THRB: variants seen among roughly 807,000 people sequenced by gnomAD.
The protein encoded by THRB is nuclear receptor subfamily 1 group A member 2.
In THRB, 12 loss-of-function variants were observed where a neutral mutation model predicts 47.8. The ratio of observed to expected loss-of-function variants is 0.25; its 90% CI spans 0.16 to 0.41. The LOEUF is 0.41. THRB is among the 10% of genes least tolerant of loss of function. The pLI is 1.00. For missense variants in THRB, 348 were observed against 589.2 expected (o/e 0.59, Z 4.24); for synonymous variants, 218 against 212.2 (o/e 1.03, Z -0.24).
At chr3:24,316,741 C>T (rs904491384) in intron 2 of THRB, among the ~76,000 whole-genome samples, 1 of 152,124 alleles carries the variant, frequency 6.6e-6, no homozygotes, top group African/African-American at 2.4e-5. Flanking sequence ...AAGACCCCCG[C>T]TCCCAGCCCC....
At chr3:24,269,935 G>C (rs2053149278) in intron 3 of THRB, among the ~76,000 whole-genome samples, 1 of 151,428 alleles carries the variant, frequency 6.6e-6, no homozygotes, top group Non-Finnish European at 1.5e-5. Flanking sequence ...TTTCTGAATT[G>C]TTTTCTCACA....
intron 3 of THRB, among the ~76,000 whole-genome samples, chr3:24,258,579 G>A (rs571280836): frequency 3.3e-5 from 5 of 152,150 alleles, no homozygotes; most frequent in Non-Finnish European, 7.3e-5. Context: ...AAGCATGCAG[G>A]TGGGGCCATC....
At chr3:24,478,930 T>C (rs527465262) in intron 1 of THRB, among the ~76,000 whole-genome samples, 3 of 152,256 alleles carry the variant, frequency 2.0e-5, no homozygotes, top group Admixed American at 6.5e-5. Flanking sequence ...TTTTTGATTG[T>C]CATAACTGTG....
At chr3:24,250,104 A>G (rs1399126163) in intron 3 of THRB, among the ~76,000 whole-genome samples, 2 of 152,216 alleles carry the variant, frequency 1.3e-5, no homozygotes, top group East Asian at 3.9e-4. Context: ...CATAGTTATA[A>G]GAAACAAAAT....
chr3:24,226,941 TACA>T lies in THRB; in HGVS notation c.22+1994_22+1996del, dbSNP rs142999028. Among the ~76,000 whole-genome samples the T allele has an allele frequency of 6.4e-3, 979 of 152,310 alleles. 12 individuals are homozygous for T. The highest frequency in any genetic ancestry group is 0.023 in the African/African-American group (940 of 41,566). On this transcript the variant is annotated intron_variant, in intron 4 of 10. Transcript: ENST00000646209. ...CAGAAATATTTATTCACTGGCCCTT[TACA>T]ACAACAATAAAAATTGCCAGCCCCT...
chr3:24,188,236 CTAA>C (rs2042846747), intron 5 of THRB, among the ~76,000 whole-genome samples: 1 of 152,110 alleles, frequency 6.6e-6, no homozygotes, highest in Admixed American at 6.6e-5. Context: ...TAATGCATAC[CTAA>C]TAATAAGGAT....
At chr3:24,224,678 C>T (rs1428624159) in intron 4 of THRB, among the ~76,000 whole-genome samples, 2 of 152,210 alleles carry the variant, frequency 1.3e-5, no homozygotes, top group Non-Finnish European at 2.9e-5. Context: ...TTCAGTAGGA[C>T]AGTCTCAAAA....
intron 1 of THRB, among the ~76,000 whole-genome samples, chr3:24,439,191 C>A (rs1044295501): frequency 6.6e-5 from 10 of 152,042 alleles, no homozygotes; most frequent in Non-Finnish European, 1.2e-4. Flanking sequence ...ATGTCATTGT[C>A]TGGATGAGGT....
chr3:24,165,196 C>T, intron 5 of THRB: 1 of 765,050 alleles, frequency 1.3e-6, no homozygotes, highest in Non-Finnish European at 2.4e-6. Context: ...CTGCCCAGGC[C>T]TGTTCCATAT....
At chr3:24,356,158 T>C (rs1354598) in intron 1 of THRB, among the ~76,000 whole-genome samples, 2,036 of 152,154 alleles carry the variant, frequency 0.013, 43 homozygotes, top group African/African-American at 0.043. Context: ...CTTGAGCAAG[T>C]CCAAATCTAG....
chr3:24,233,560 G>GAAGAAAGAAAAAGA (rs1553658176), intron 3 of THRB, among the ~76,000 whole-genome samples: 4 of 77,302 alleles, frequency 5.2e-5, no homozygotes, highest in Non-Finnish European at 1.1e-4. Context: ...AAAGAAAAAG[G>GAAGAAAGAAAAAGA]AAGAAAGAAA....
intron 2 of THRB, among the ~76,000 whole-genome samples, chr3:24,327,892 C>A (rs552781054): frequency 8.5e-5 from 13 of 152,168 alleles, no homozygotes; most frequent in African/African-American, 2.9e-4. Flanking sequence ...TAGAACAACA[C>A]ATTGGCAATG....
intron 9 of THRB, among the ~76,000 whole-genome samples, chr3:24,131,789 G>C (rs1042033807): frequency 2.0e-5 from 3 of 152,184 alleles, no homozygotes; most frequent in Admixed American, 6.5e-5. Context: ...TAACTTGATC[G>C]TGAACGTCCC....
chr3:24,492,833 C>A (rs1244821458), intron 1 of THRB, among the ~76,000 whole-genome samples: 1 of 152,102 alleles, frequency 6.6e-6, no homozygotes. Context: ...AAAAGTATAC[C>A]TTTGCATTGT....
intron 2 of THRB, among the ~76,000 whole-genome samples, chr3:24,317,172 T>A (rs1294147126): frequency 1.3e-5 from 2 of 152,188 alleles, no homozygotes; most frequent in African/African-American, 4.8e-5. Flanking sequence ...TCTGTAAGTA[T>A]GAGTTTGTGG....
chr3:24,384,078 C>A (rs555408022), intron 1 of THRB, among the ~76,000 whole-genome samples: 5 of 152,224 alleles, frequency 3.3e-5, no homozygotes, highest in African/African-American at 1.2e-4. Context: ...ATTAACACAG[C>A]AGCAATATGG....
intron 1 of THRB, among the ~76,000 whole-genome samples, chr3:24,479,533 T>TA (rs1696053884): frequency 6.6e-6 from 1 of 151,996 alleles, no homozygotes; most frequent in Non-Finnish European, 1.5e-5. Context: ...AGTAAGGTCT[T>TA]AGAGAATGAA....
chr3:24,422,453 T>C (rs187053122), intron 1 of THRB, among the ~76,000 whole-genome samples: 3 of 151,954 alleles, frequency 2.0e-5, no homozygotes, highest in Admixed American at 2.0e-4. Context: ...CTCTGAACTT[T>C]ACATGAGGAA....
At chr3:24,491,111 C>T (rs917645987) in intron 1 of THRB, among the ~76,000 whole-genome samples, 2 of 152,116 alleles carry the variant, frequency 1.3e-5, no homozygotes, top group African/African-American at 4.8e-5. Flanking sequence ...TCCAGACCCC[C>T]TTTTTTTCTG....
Sources: gnomAD v4.1 joint callset for allele counts (sites outside exome capture counted in the v4.1 genomes callset) on GRCh38, gnomAD v4.1.1 for gene constraint, MANE v1.5 for transcripts, NCBI Gene and HGNC (gene_info 2026-07-23, HGNC 2026-07-21) for gene names.